GLG1: variants seen among roughly 807,000 people sequenced by gnomAD.
GLG1 encodes golgi glycoprotein 1.
A neutral mutation model predicts 160.5 loss-of-function variants in GLG1; 38 were observed. The observed-to-expected ratio is 0.24, with a 90% CI of 0.18 to 0.31. GLG1 has a LOEUF of 0.31. GLG1 is among the 10% of genes least tolerant of loss of function. The pLI, the probability that GLG1 is intolerant of heterozygous loss-of-function variation, is 1.00. For synonymous variants in GLG1, 644 were observed against 543.4 expected, an observed-to-expected ratio of 1.19 and a Z score of -2.57; for missense variants, 1,373 against 1,505.2, an observed-to-expected ratio of 0.91 and a Z score of 1.45.
intron 19 of GLG1, 47 bp downstream of exon 19, chr16:74,465,628 GT>G: frequency 1.3e-6 from 2 of 1,592,354 alleles, no homozygotes; most frequent in Non-Finnish European, 1.7e-6. Flanking sequence ...TTTGTGCTTT[GT>G]TGTTTTGTTG....
At chr16:74,513,854 G>C (rs1814931708) in intron 2 of GLG1, among the ~76,000 whole-genome samples, 1 of 152,124 alleles carries the variant, frequency 6.6e-6, no homozygotes, top group Admixed American at 6.5e-5. Context: ...AGCTTAACGA[G>C]CATGTTCTAA....
intron 1 of GLG1, among the ~76,000 whole-genome samples, chr16:74,560,368 C>A (rs2143735369): frequency 6.9e-6 from 1 of 144,838 alleles, no homozygotes; most frequent in African/African-American, 2.6e-5. Flanking sequence ...CACTCTGTCG[C>A]CCAGGCTGGA....
intron 23 of GLG1, among the ~76,000 whole-genome samples, chr16:74,459,460 G>A (rs187156370): frequency 4.6e-5 from 7 of 152,288 alleles, no homozygotes; most frequent in East Asian, 3.9e-4. Flanking sequence ...GCAACAGAGC[G>A]AGACTCCGTC....
At chr16:74,550,190 T>A (rs1270391323) in intron 1 of GLG1, among the ~76,000 whole-genome samples, 1 of 152,138 alleles carries the variant, frequency 6.6e-6, no homozygotes, top group African/African-American at 2.4e-5. Context: ...AAATACTTAT[T>A]GATTGTGCTT....
intron 1 of GLG1, among the ~76,000 whole-genome samples, chr16:74,567,490 A>G (rs779982490): frequency 5.9e-5 from 9 of 152,022 alleles, no homozygotes; most frequent in Non-Finnish European, 1.2e-4. Flanking sequence ...CGTCAGAAGT[A>G]AAACTCCAAA....
intron 1 of GLG1, among the ~76,000 whole-genome samples, chr16:74,536,135 G>C (rs1275791574): frequency 6.6e-6 from 1 of 152,172 alleles, no homozygotes; most frequent in Non-Finnish European, 1.5e-5. Flanking sequence ...AACGAAAACA[G>C]ATGCAGGTGC....
chr16:74,451,911 T>C lies in GLG1; in HGVS notation c.*1256A>G, dbSNP rs2014321604. 4 of 652,830 alleles carry C rather than the reference T, an allele frequency of 6.1e-6. No homozygotes were observed. Among genetic ancestry groups the C allele is most frequent in the Non-Finnish European group, 1.1e-5 (4 of 360,694 alleles). The allele number at this position is 652,830 out of a possible 1,614,324, so 40.4% of individuals were successfully genotyped here. A position where few individuals can be genotyped will look rare whatever the true frequency, so the allele number is the denominator to read the frequency against. ...AATACAACATTTAGCCAATGCCTAC[T>C]AGAGTGGGTACACGCAGCAAATGGA... On this transcript the variant is annotated 3_prime_UTR_variant, in exon 26 of 26. Transcript: ENST00000422840.
At chr16:74,542,565 G>C (rs2017903318) in intron 1 of GLG1, among the ~76,000 whole-genome samples, 1 of 151,034 alleles carries the variant, frequency 6.6e-6, no homozygotes, top group Admixed American at 6.6e-5. Flanking sequence ...CAGCTACTTT[G>C]GGAGGCTGAG....
chr16:74,493,945 C>T (rs1381566313), intron 6 of GLG1, among the ~76,000 whole-genome samples: 1 of 151,650 alleles, frequency 6.6e-6, no homozygotes, highest in Non-Finnish European at 1.5e-5. Flanking sequence ...CAGTGAGAGG[C>T]GGGTGGATCA....
intron 24 of GLG1, among the ~76,000 whole-genome samples, chr16:74,457,639 A>C (rs1010317434): frequency 1.3e-5 from 2 of 152,138 alleles, no homozygotes; most frequent in Admixed American, 6.5e-5. Context: ...CTGTTCATCA[A>C]ATCTTTAGCT....
At chr16:74,466,141 C>G (rs536945636) in intron 18 of GLG1, among the ~76,000 whole-genome samples, 2 of 152,218 alleles carry the variant, frequency 1.3e-5, no homozygotes, top group African/African-American at 4.8e-5. Flanking sequence ...CTGCATTTTC[C>G]CAGAGCAACA....
At chr16:74,511,519 G>A (rs2016802431) in intron 2 of GLG1, among the ~76,000 whole-genome samples, 1 of 150,564 alleles carries the variant, frequency 6.6e-6, no homozygotes, top group Admixed American at 6.6e-5. Context: ...AGGCGTGGTG[G>A]TGCATGCCTG....
intron 3 of GLG1, among the ~76,000 whole-genome samples, chr16:74,505,794 G>A (rs2016576531): frequency 6.6e-6 from 1 of 152,198 alleles, no homozygotes; most frequent in African/African-American, 2.4e-5. Context: ...GGCGGAGGTT[G>A]CAGTGAGCTG....
At chr16:74,502,083 T>G (rs907899977) in intron 4 of GLG1, among the ~76,000 whole-genome samples, 2 of 152,194 alleles carry the variant, frequency 1.3e-5, no homozygotes, top group African/African-American at 4.8e-5. Context: ...CCTTTGTCAG[T>G]GATAGACGCC....
In GLG1 at chr16:74,448,482, A is replaced by G. The variant is rs531406217; in HGVS notation, c.*4685T>C. 2.1e-4 allele frequency: 32 copies of G among 152,358 alleles called. No individual in the cohort carries two copies. The highest frequency in any genetic ancestry group is 6.0e-4 in the African/African-American group (25 of 41,588). The allele number at this position is 152,358 out of a possible 1,614,324, so 9.4% of individuals were successfully genotyped here. ...TCAAACTCACAAGATGTTGAAATAC[A>G]AGTAAATATACCAAAATGCACATAA... On this transcript the variant is annotated 3_prime_UTR_variant, in exon 26 of 26. Coordinates refer to ENST00000422840, the MANE Select transcript of GLG1 (RefSeq NM_001145667.2).
chr16:74,496,770 G>A (rs1286917476), intron 4 of GLG1, 126 bp from the exon 5 acceptor site: 2 of 661,814 alleles, frequency 3.0e-6, no homozygotes, highest in Admixed American at 4.7e-5. Flanking sequence ...CCCCATCATA[G>A]AGTTGACTTA....
chr16:74,528,386 C>A (rs2017408743), intron 2 of GLG1, among the ~76,000 whole-genome samples: 1 of 152,076 alleles, frequency 6.6e-6, no homozygotes, highest in South Asian at 2.1e-4. Flanking sequence ...TTTATTGTTT[C>A]ATTTGCTCTA....
chr16:74,467,342 T>G (rs1454876959), intron 18 of GLG1, among the ~76,000 whole-genome samples: 8 of 152,014 alleles, frequency 5.3e-5, no homozygotes, highest in African/African-American at 1.9e-4. Context: ...TTCTGTCTAT[T>G]AAAAAAAAGT....
At chr16:74,457,738 C>A in intron 24 of GLG1, 136 bp downstream of exon 24, 1 of 709,022 alleles carries the variant, frequency 1.4e-6, no homozygotes, top group East Asian at 2.6e-5. Context: ...ACCCAGGTCC[C>A]CAGGGAATGT....
Sources: gnomAD v4.1 joint callset for allele counts (sites outside exome capture counted in the v4.1 genomes callset) on GRCh38, gnomAD v4.1.1 for gene constraint, MANE v1.5 for transcripts, NCBI Gene and HGNC (gene_info 2026-07-23, HGNC 2026-07-21) for gene names.